LRRC69: variants seen among roughly 807,000 people sequenced by gnomAD.
The protein encoded by LRRC69 is leucine-rich repeat-containing protein 69.
In LRRC69, 42 loss-of-function variants were observed where a neutral mutation model predicts 37.8. That is an observed-to-expected ratio of 1.11 (90% confidence interval 0.87 to 1.44). The LOEUF is 1.44. Ranked by LOEUF, LRRC69 falls within the 40% of genes most tolerant of loss-of-function variation. The pLI is 0.00. For missense variants in LRRC69, 357 were observed against 401.9 expected, an observed-to-expected ratio of 0.89 and a Z score of 0.96; for synonymous variants, 141 against 143.1, an observed-to-expected ratio of 0.99 and a Z score of 0.11.
At chr8:91,215,413 A>G (rs1374878661) in intron 7 of LRRC69, among the ~76,000 whole-genome samples, 3 of 152,186 alleles carry the variant, frequency 2.0e-5, no homozygotes, top group Admixed American at 2.0e-4. Flanking sequence ...ATGGTTACCA[A>G]TTATGTTGAA....
intron 5 of LRRC69, among the ~76,000 whole-genome samples, chr8:91,187,432 A>G (rs1046505419): frequency 1.3e-5 from 2 of 152,188 alleles, no homozygotes; most frequent in African/African-American, 4.8e-5. Context: ...AATATTTAGT[A>G]CACACAACAT....
intron 6 of LRRC69, among the ~76,000 whole-genome samples, chr8:91,192,332 A>C (rs1317855352): frequency 6.6e-6 from 1 of 152,128 alleles, no homozygotes; most frequent in African/African-American, 2.4e-5. Flanking sequence ...TTACAGCAGC[A>C]TGATTTATAG....
intron 5 of LRRC69, among the ~76,000 whole-genome samples, chr8:91,141,991 T>C (rs908682730): frequency 2.0e-5 from 3 of 149,608 alleles, no homozygotes; most frequent in African/African-American, 7.7e-5. Context: ...ACTCAGTCTA[T>C]GAAGTAGTTG....
rs117430351 is a variant in LRRC69 at position 91,203,276 on chromosome 8, A to G, written c.933+2484A>G. Among the ~76,000 whole-genome samples the G allele has an allele frequency of 2.8e-3, 421 of 152,272 alleles. 5 individuals carry two copies. Among genetic ancestry groups the G allele is most frequent in the Non-Finnish European group, 4.5e-3 (309 of 68,010 alleles). ...ATATGTGACCTCTAACATCATCTCT[A>G]TCTCTAAAGAGTTTGATTCTAAATC... is the stretch of plus-strand genomic sequence containing the variant. On this transcript the variant is annotated intron_variant, in intron 7 of 7. Transcript: ENST00000448384.
At chr8:91,163,338 T>C (rs1358485947) in intron 5 of LRRC69, among the ~76,000 whole-genome samples, 8 of 151,568 alleles carry the variant, frequency 5.3e-5, no homozygotes, top group Non-Finnish European at 3.0e-5. Context: ...TGCCTGTTTA[T>C]TCATTGCTGT....
At chr8:91,137,278 A>C (rs1379508325) in intron 5 of LRRC69, among the ~76,000 whole-genome samples, 1 of 151,952 alleles carries the variant, frequency 6.6e-6, no homozygotes, top group Non-Finnish European at 1.5e-5. Flanking sequence ...CACTTCTTCT[A>C]TGGTACCCCT....
chr8:91,128,682 T>C (rs745430621), intron 3 of LRRC69, among the ~76,000 whole-genome samples: 45 of 152,066 alleles, frequency 3.0e-4, no homozygotes, highest in Admixed American at 1.5e-3. Flanking sequence ...GGTTGAGCCT[T>C]GGACATAAAA....
exon 8 of LRRC69, chr8:91,218,916 G>A (rs1414640076): frequency 1.3e-6 from 2 of 1,550,074 alleles, no homozygotes; most frequent in African/African-American, 2.7e-5. Context: ...AGAATCTGAA[G>A]CTGGTGCCTC....
intron 7 of LRRC69, among the ~76,000 whole-genome samples, chr8:91,205,762 A>T (rs1156901985): frequency 6.6e-6 from 1 of 152,128 alleles, no homozygotes; most frequent in Non-Finnish European, 1.5e-5. Flanking sequence ...TGCTTAAGAC[A>T]AAAAAATAAA....
chr8:91,178,373 C>T (rs941660901), intron 5 of LRRC69, among the ~76,000 whole-genome samples: 2 of 152,150 alleles, frequency 1.3e-5, no homozygotes, highest in Non-Finnish European at 2.9e-5. Flanking sequence ...ATAACTTGTT[C>T]TGAGTTACCT....
chr8:91,112,559 A>G (rs899154004), intron 1 of LRRC69, among the ~76,000 whole-genome samples: 1 of 152,104 alleles, frequency 6.6e-6, no homozygotes. Context: ...AAAGCTCTCA[A>G]CAAAATAGGT....
At chr8:91,110,814 C>G (rs548587959) in intron 1 of LRRC69, among the ~76,000 whole-genome samples, 1 of 152,128 alleles carries the variant, frequency 6.6e-6, no homozygotes, top group Non-Finnish European at 1.5e-5. Context: ...ATGATATGCA[C>G]TACATTGAAC....
Position 91,172,712 on chromosome 8 carries a change from T to A in LRRC69, c.652-16810T>A, listed in dbSNP as rs575989134. ...GTATTTTTAGTAGAGACAGCGTTTC[T>A]CCATGTTGCTCAGGCTGGTCTCGAA... On this transcript the variant is annotated intron_variant, in intron 5 of 7. Coordinates refer to ENST00000448384, the Ensembl canonical transcript of LRRC69. Among the ~76,000 whole-genome samples, 41 of 151,832 alleles carry A rather than the reference T, an allele frequency of 2.7e-4. No homozygotes were observed. The South Asian group carries it at 7.5e-3, about 28-fold the overall frequency.
intron 6 of LRRC69, among the ~76,000 whole-genome samples, chr8:91,197,452 C>T (rs10113705): frequency 0.012 from 1,894 of 152,184 alleles, 47 homozygotes; most frequent in African/African-American, 0.043. Flanking sequence ...CTCGCTGCCG[C>T]CTCGCAGTTT....
chr8:91,149,465 C>G (rs890134336), intron 5 of LRRC69, among the ~76,000 whole-genome samples: 6 of 151,938 alleles, frequency 3.9e-5, no homozygotes, highest in African/African-American at 1.4e-4. Flanking sequence ...GGTACCAGTA[C>G]CATGCTGTTT....
chr8:91,179,748 T>C (rs1363859449), intron 5 of LRRC69, among the ~76,000 whole-genome samples: 2 of 152,208 alleles, frequency 1.3e-5, no homozygotes, highest in East Asian at 1.9e-4. Flanking sequence ...TTGAACCACA[T>C]TTATGTATTA....
rs1809695113 is a variant in LRRC69 at position 91,200,614 on chromosome 8, AAATAACATCAAGAT to A, written c.756_769del (p.Glu252AspfsTer10). 1.4e-6 allele frequency: 2 copies of A among 1,434,492 alleles called. No homozygotes were observed. Among genetic ancestry groups the A allele is most frequent in the Admixed American group, 3.5e-5 (1 of 28,632 alleles). The allele number at this position is 1,434,492 out of a possible 1,614,324, so 88.9% of individuals were successfully genotyped here. A position where few individuals can be genotyped will look rare whatever the true frequency, so the allele number is the denominator to read the frequency against. ...ACTGTATTTTTTTTTTCAATTTAGGAAATAACATCAAGATTTGTAATGAATCAGCTAGCAGAAAA... is the reference window on the plus strand; with the variant it reads ...ACTGTATTTTTTTTTTCAATTTAGGATTGTAATGAATCAGCTAGCAGAAAA... On this transcript the variant is annotated frameshift_variant and splice_region_variant, in exon 7 of 8. Transcript: ENST00000448384. LOFTEE classifies it high-confidence loss of function.
chr8:91,148,545 A>C (rs1397915797), intron 5 of LRRC69, among the ~76,000 whole-genome samples: 4 of 151,860 alleles, frequency 2.6e-5, no homozygotes, highest in South Asian at 2.1e-4. Context: ...ATAAACATAC[A>C]TGTGCATGTG....
intron 5 of LRRC69, among the ~76,000 whole-genome samples, chr8:91,171,040 C>G (rs1052089990): frequency 2.3e-4 from 34 of 150,554 alleles, no homozygotes; most frequent in African/African-American, 7.1e-4. Flanking sequence ...ACAATGAACT[C>G]AAACAAATTT....
Sources: gnomAD v4.1 joint callset for allele counts (sites outside exome capture counted in the v4.1 genomes callset) on GRCh38, gnomAD v4.1.1 for gene constraint, MANE v1.5 for transcripts, NCBI Gene and HGNC (gene_info 2026-07-23, HGNC 2026-07-21) for gene names.